The following GOLIM4 variants were observed in gnomAD, a reference collection of about 807,000 sequenced individuals.
GOLIM4 encodes the protein golgi integral membrane protein 4.
A neutral mutation model predicts 107.4 loss-of-function variants in GOLIM4; 71 were observed. The ratio of observed to expected loss-of-function variants is 0.66; its 90% confidence interval spans 0.55 to 0.81. GOLIM4 has a LOEUF of 0.81. Ranked by LOEUF, GOLIM4 falls within the 30% of genes least tolerant of loss-of-function variation. GOLIM4 has a pLI of 0.00. For synonymous variants in GOLIM4, 327 were observed against 294.8 expected, an observed-to-expected ratio of 1.11 and a Z score of -1.12; for missense variants, 830 against 826.1, an observed-to-expected ratio of 1.00 and a Z score of -0.06.
intron 14 of GOLIM4, among the ~76,000 whole-genome samples, chr3:168,023,834 T>C (rs1717844207): frequency 6.6e-6 from 1 of 152,196 alleles, no homozygotes; most frequent in Admixed American, 6.5e-5. Context: ...TTACACCACA[T>C]GCAGCACCAC....
In GOLIM4 at chr3:168,036,937, G is replaced by T. The variant is rs773456639; in HGVS notation, c.742C>A (p.Arg248=). The T allele has an allele frequency of 5.7e-6, 9 of 1,571,284 alleles. No individual in the cohort carries two copies. The highest frequency in any genetic ancestry group is 7.8e-6 in the Non-Finnish European group (9 of 1,154,894). ...TGCTGTTCTGCTGGATCAGGTTTTC[G>T]AAGGCTTGGAATCCTATTCAGAGTA... ...KDTLNRIPSL[R]KPDPAEQQNV... is the part of the protein sequence containing the mutation. The change falls in exon 8 of 16, where the codon CGA becomes AGA. Residue 248 remains arginine, a synonymous_variant. Coordinates refer to ENST00000470487, the MANE Select transcript of GOLIM4 (RefSeq NM_014498.5).
intron 1 of GOLIM4, among the ~76,000 whole-genome samples, chr3:168,052,388 T>TCA (rs892164076): frequency 3.3e-5 from 5 of 151,326 alleles, no homozygotes; most frequent in African/African-American, 7.3e-5. Flanking sequence ...ACACACTCTC[T>TCA]CACACACACA....
chr3:168,019,618 G>C (rs1181490475), intron 14 of GOLIM4, among the ~76,000 whole-genome samples: 1 of 152,038 alleles, frequency 6.6e-6, no homozygotes, highest in Non-Finnish European at 1.5e-5. Context: ...CCCACATTCT[G>C]AATTTATTTG....
intron 1 of GOLIM4, among the ~76,000 whole-genome samples, chr3:168,063,575 T>G (rs1720379151): frequency 6.6e-6 from 1 of 151,860 alleles, no homozygotes; most frequent in Non-Finnish European, 1.5e-5. Flanking sequence ...ATTGCCTGAT[T>G]TGGGGGAAGA....
rs760510141 is a variant in GOLIM4 at position 168,036,851 on chromosome 3, G to T, written c.828C>A (p.Thr276=). Residue 276 remains threonine, a synonymous_variant, in exon 8 of 16, where the codon ACC becomes ACA. Transcript: ENST00000470487. ...QGYNTAREKP[T]REVQEVSRNN... is the part of the protein sequence containing the mutation. ...CGCCCCTTACCTCCTGCACCTCTCG[G>T]GTTGGCTTCTCCCTTGCTGTGTTGT... The T allele has an allele frequency of 3.1e-6, 5 of 1,612,650 alleles. No homozygotes were observed. Among genetic ancestry groups the T allele is most frequent in the Middle Eastern group, 1.7e-4 (1 of 6,058 alleles).
chr3:168,036,231 T>TA (rs1718644479), intron 8 of GOLIM4, among the ~76,000 whole-genome samples: 1 of 152,162 alleles, frequency 6.6e-6, no homozygotes, highest in African/African-American at 2.4e-5. Context: ...ACAAAGCCAT[T>TA]AAAGCCTTTC....
chr3:168,079,978 C>T (rs1721264181), intron 1 of GOLIM4, among the ~76,000 whole-genome samples: 1 of 151,954 alleles, frequency 6.6e-6, no homozygotes, highest in Admixed American at 6.6e-5. Context: ...CTAAAATTAC[C>T]TTTGTATTAT....
At chr3:168,023,497 G>A (rs1717826677) in intron 14 of GOLIM4, among the ~76,000 whole-genome samples, 1 of 152,192 alleles carries the variant, frequency 6.6e-6, no homozygotes, top group Non-Finnish European at 1.5e-5. Flanking sequence ...GTAAGAACAA[G>A]AAAGCAGACC....
At chr3:168,052,849 A>G (rs1425320415) in intron 1 of GOLIM4, among the ~76,000 whole-genome samples, 1 of 152,220 alleles carries the variant, frequency 6.6e-6, no homozygotes, top group Non-Finnish European at 1.5e-5. Context: ...ACAAAAAGCT[A>G]TATATTGAAT....
At chr3:168,056,315 A>G (rs1448041584) in intron 1 of GOLIM4, among the ~76,000 whole-genome samples, 4 of 152,254 alleles carry the variant, frequency 2.6e-5, no homozygotes, top group Non-Finnish European at 4.4e-5. Flanking sequence ...CAGAAGATGT[A>G]TGGAAATGCC....
intron 14 of GOLIM4, among the ~76,000 whole-genome samples, chr3:168,020,678 C>T (rs1717628139): frequency 6.6e-6 from 1 of 152,144 alleles, no homozygotes; most frequent in Non-Finnish European, 1.5e-5. Flanking sequence ...TTCAACGACT[C>T]TTTAGGGAAC....
chr3:168,034,282 A>G (rs1718514506), intron 8 of GOLIM4, among the ~76,000 whole-genome samples: 1 of 152,172 alleles, frequency 6.6e-6, no homozygotes, highest in Admixed American at 6.5e-5. Flanking sequence ...CTAGTGAGGA[A>G]GGTTAGTGCA....
intron 14 of GOLIM4, among the ~76,000 whole-genome samples, chr3:168,020,604 T>C (rs534697676): frequency 2.6e-5 from 4 of 152,236 alleles, no homozygotes; most frequent in Non-Finnish European, 5.9e-5. Flanking sequence ...TCTCTGGAGA[T>C]GGGCTATAGA....
chr3:168,041,615 A>C, intron 5 of GOLIM4, 141 bp from the exon 6 acceptor site: 1 of 556,948 alleles, frequency 1.8e-6, no homozygotes, highest in Non-Finnish European at 3.1e-6. Flanking sequence ...AAAATCAACA[A>C]AAATGATATT....
At chr3:168,070,129 C>T (rs147121726) in intron 1 of GOLIM4, among the ~76,000 whole-genome samples, 1,679 of 152,310 alleles carry the variant, frequency 0.011, 30 homozygotes, top group African/African-American at 0.039. Context: ...TGCAGTGGCT[C>T]ATGCCTGTAA....
At chr3:168,076,041 AAG>A (rs972240021) in intron 1 of GOLIM4, among the ~76,000 whole-genome samples, 2 of 152,220 alleles carry the variant, frequency 1.3e-5, no homozygotes, top group South Asian at 2.1e-4. Context: ...GCAACTTGAA[AAG>A]AGTGTTTAAA....
chr3:168,095,322 C>T lies in GOLIM4; in HGVS notation c.-37G>A. 6.3e-7 allele frequency: 1 copy of T among 1,583,444 alleles called. No homozygotes were observed. The highest frequency in any genetic ancestry group is 8.6e-7 in the Non-Finnish European group (1 of 1,160,558). On this transcript the variant is annotated 5_prime_UTR_variant, in exon 1 of 16. Coordinates refer to ENST00000470487, the MANE Select transcript of GOLIM4 (RefSeq NM_014498.5). ...GACCCAAAGCCGCGGCCGCCCCCGC[C>T]GTCTCCTCCCCTTGGTCCGAGCGAG...
rs370361838 is a variant in GOLIM4 at position 168,032,527 on chromosome 3, C to T, written c.1169G>A (p.Arg390His). The change falls in exon 9 of 16, where the codon CGT (arginine) becomes CAT (histidine). Residue 390 changes from arginine to histidine, a missense_variant. By Grantham distance (29) the Arg-to-His change is conservative. Coordinates refer to ENST00000470487, the MANE Select transcript of GOLIM4 (RefSeq NM_014498.5). ...EAANLLEGHA[R>H]AEVYPSAKPM... ...AAGCGGGTGACTTCATACCTCAGCA[C>T]GCGCGTGCCCTTCCAGGAGGTTGGC... The T allele has an allele frequency of 3.1e-5, 50 of 1,613,298 alleles. No homozygotes were observed. The highest frequency in any genetic ancestry group is 3.7e-5 in the Non-Finnish European group (44 of 1,179,394).
chr3:168,063,118 C>A (rs1182010528), intron 1 of GOLIM4, among the ~76,000 whole-genome samples: 1 of 152,174 alleles, frequency 6.6e-6, no homozygotes, highest in Non-Finnish European at 1.5e-5. Flanking sequence ...GCCCACCCAC[C>A]ACTGCCACCT....
Sources: allele counts gnomAD v4.1 joint callset (sites outside exome capture counted in the v4.1 genomes callset), GRCh38; gene constraint gnomAD v4.1.1; transcripts MANE v1.5; gene names NCBI Gene and HGNC (gene_info 2026-07-23, HGNC 2026-07-21).